Variants in ZBTB20 observed in about 807,000 individuals in gnomAD.
ZBTB20 encodes zinc finger and BTB domain containing 20, also known as zinc finger and BTB domain-containing protein 20.
Under a neutral mutation model 56.9 loss-of-function variants are expected in ZBTB20, and 9 were observed. The ratio of observed to expected loss-of-function variants is 0.16; its 90% CI spans 0.10 to 0.28. The LOEUF (loss-of-function observed/expected upper bound fraction) is 0.28. Ranked by LOEUF, ZBTB20 falls within the 10% of genes least tolerant of loss-of-function variation. The probability of loss-of-function intolerance (pLI) is 1.00; values close to 1 mark genes in which losing one functional copy is unlikely to be tolerated. For synonymous variants in ZBTB20, 417 were observed against 420.7 expected, an observed-to-expected ratio of 0.99 and a Z score of 0.11; for missense variants, 655 against 1,003.0, an observed-to-expected ratio of 0.65 and a Z score of 4.69.
chr3:114,746,579 T>C (rs1366804426), intron 5 of ZBTB20, among the ~76,000 whole-genome samples: 1 of 152,168 alleles, frequency 6.6e-6, no homozygotes, highest in Non-Finnish European at 1.5e-5. Flanking sequence ...GCATACACTA[T>C]CCACACTACA....
In ZBTB20 at chr3:114,819,867, GCAAA is replaced by G. The variant is rs202004497; in HGVS notation, c.-416-18697_-416-18694del. 4.6e-3 allele frequency among the ~76,000 whole-genome samples: 701 copies of G among 151,708 alleles called. 9 individuals are homozygous for G. The highest frequency in any genetic ancestry group is 0.016 in the African/African-American group (665 of 41,450). On this transcript the variant is annotated intron_variant, in intron 4 of 11. Coordinates refer to ENST00000675478, the MANE Select transcript of ZBTB20 (RefSeq NM_001348800.3). The stretch of plus-strand genomic sequence containing the variant: ...AAAACTACATGAGTAAAGACCACAA[GCAAA>G]CAATTTATAAAAATAAGAAAACAAT...
chr3:114,602,833 A>G (rs890582302), intron 6 of ZBTB20, among the ~76,000 whole-genome samples: 1 of 152,026 alleles, frequency 6.6e-6, no homozygotes, highest in Non-Finnish European at 1.5e-5. Context: ...CGAATTTTCT[A>G]TAAAACTCAA....
At chr3:114,942,499 CAT>C (rs912908502) in intron 3 of ZBTB20, among the ~76,000 whole-genome samples, 1 of 145,396 alleles carries the variant, frequency 6.9e-6, no homozygotes, top group Non-Finnish European at 1.5e-5. Context: ...TGTAAAGAAA[CAT>C]AGTGCTCAAC....
intron 7 of ZBTB20, among the ~76,000 whole-genome samples, chr3:114,398,767 T>C (rs775326718): frequency 3.3e-5 from 5 of 152,148 alleles, no homozygotes; most frequent in Non-Finnish European, 7.4e-5. Context: ...AGGGTAAGTA[T>C]TGTCTGAGGT....
At chr3:114,880,345 A>G (rs1035873582) in intron 4 of ZBTB20, among the ~76,000 whole-genome samples, 2 of 152,042 alleles carry the variant, frequency 1.3e-5, no homozygotes, top group Non-Finnish European at 2.9e-5. Context: ...CAAAAACATC[A>G]CTTACCTCTG....
intron 5 of ZBTB20, among the ~76,000 whole-genome samples, chr3:114,694,914 A>G (rs1348577889): frequency 6.6e-6 from 1 of 152,120 alleles, no homozygotes; most frequent in Admixed American, 6.6e-5. Context: ...GTCCACTACT[A>G]CAGTCTGAAG....
rs1469348273 is a variant in ZBTB20, at chr3:114,380,292, A to C, written c.124T>G (p.Leu42Val). ...TGGATGAGGGCTGGGTCTGGAGACA[A>C]AACAGCTTCAAAGTTCAGGCAGGGA... is the stretch of plus-strand genomic sequence containing the variant. Reference protein sequence around the residue: ...GLPCLNFEAVLSPDPALIHST... With the variant: ...GLPCLNFEAVVSPDPALIHST... The change falls in exon 10 of 12, where the codon TTG (leucine) becomes GTG (valine). Residue 42 changes from leucine (L) to valine (V), a missense_variant. This residue lies in a region of ZBTB20 where 79 missense variants were observed against 78.4 expected (regional missense o/e 1.01). Coordinates refer to ENST00000675478, the MANE Select transcript of ZBTB20 (RefSeq NM_001348800.3). 2 of 1,537,104 alleles carry C rather than the reference A, an allele frequency of 1.3e-6. No homozygotes were observed. The highest frequency in any genetic ancestry group is 1.7e-4 in the Middle Eastern group (1 of 5,984).
At chr3:114,590,343 C>G (rs1346926399) in intron 6 of ZBTB20, among the ~76,000 whole-genome samples, 1 of 151,926 alleles carries the variant, frequency 6.6e-6, no homozygotes, top group Non-Finnish European at 1.5e-5. Flanking sequence ...GTTATCCCAG[C>G]AGGAGGCTGA....
At chr3:114,938,942 C>A (rs552339815) in intron 3 of ZBTB20, among the ~76,000 whole-genome samples, 1 of 145,262 alleles carries the variant, frequency 6.9e-6, no homozygotes, top group South Asian at 2.2e-4. Context: ...GTAGGGAGTC[C>A]CTGAACCAGA....
intron 1 of ZBTB20, among the ~76,000 whole-genome samples, chr3:115,130,749 T>G (rs902501922): frequency 3.3e-5 from 5 of 152,142 alleles, no homozygotes; most frequent in Non-Finnish European, 5.9e-5. Context: ...TATTTTAAAT[T>G]ATTTTAATTT....
chr3:114,495,433 A>G (rs942748720), intron 7 of ZBTB20, among the ~76,000 whole-genome samples: 14 of 151,432 alleles, frequency 9.2e-5, no homozygotes, highest in Non-Finnish European at 5.9e-5. Context: ...TGAGGTGTGT[A>G]TCAGTGCAAG....
intron 2 of ZBTB20, among the ~76,000 whole-genome samples, chr3:115,067,394 T>C (rs2082244677): frequency 6.6e-6 from 1 of 152,048 alleles, no homozygotes; most frequent in Non-Finnish European, 1.5e-5. Context: ...GAGTGCCTCT[T>C]AAAAAATTTA....
chr3:114,996,392 G>GT (rs1236846811), intron 2 of ZBTB20, among the ~76,000 whole-genome samples: 3 of 151,092 alleles, frequency 2.0e-5, no homozygotes, highest in Non-Finnish European at 4.4e-5. Flanking sequence ...GGTGTGTGAT[G>GT]TTCCCCTCCC....
intron 1 of ZBTB20, among the ~76,000 whole-genome samples, chr3:115,088,925 A>G (rs2083088574): frequency 6.6e-6 from 1 of 151,668 alleles, no homozygotes; most frequent in African/African-American, 2.4e-5. Context: ...TGTCCCATCC[A>G]AGAGTTTTAA....
intron 1 of ZBTB20, among the ~76,000 whole-genome samples, chr3:115,079,951 C>T (rs552361115): frequency 4.6e-5 from 7 of 152,268 alleles, no homozygotes; most frequent in African/African-American, 1.7e-4. Flanking sequence ...TATTTATTCT[C>T]CATCATTCTA....
intron 6 of ZBTB20, among the ~76,000 whole-genome samples, chr3:114,567,933 G>A (rs1032452433): frequency 6.6e-6 from 1 of 152,180 alleles, no homozygotes; most frequent in African/African-American, 2.4e-5. Flanking sequence ...CTTGGCTCTG[G>A]GCCAGAATGC....
intron 2 of ZBTB20, among the ~76,000 whole-genome samples, chr3:114,986,013 A>C (rs2078524205): frequency 6.6e-6 from 1 of 152,116 alleles, no homozygotes; most frequent in African/African-American, 2.4e-5. Flanking sequence ...TGCATTTGGC[A>C]AACCCTGATC....
intron 6 of ZBTB20, among the ~76,000 whole-genome samples, chr3:114,561,353 T>A (rs921495183): frequency 9.2e-5 from 14 of 152,320 alleles, no homozygotes; most frequent in African/African-American, 3.4e-4. Flanking sequence ...AGGTTTTCAA[T>A]TTACTTTGCC....
intron 3 of ZBTB20, among the ~76,000 whole-genome samples, chr3:114,921,200 G>T (rs191811057): frequency 6.5e-4 from 99 of 152,260 alleles, no homozygotes; most frequent in Non-Finnish European, 1.1e-3. Context: ...TTGGCTCACT[G>T]CAACCTCCAT....
Sources: allele counts gnomAD v4.1 joint callset (sites outside exome capture counted in the v4.1 genomes callset), GRCh38; gene constraint gnomAD v4.1.1; regional missense constraint gnomAD v4.1.1; transcripts MANE v1.5; gene names NCBI Gene and HGNC (gene_info 2026-07-23, HGNC 2026-07-21).